Variants in PCDHGA3 observed in about 807,000 individuals in gnomAD.
PCDHGA3 encodes protocadherin gamma subfamily A, 3, also known as protocadherin gamma-A3.
A neutral mutation model predicts 58.5 loss-of-function variants in PCDHGA3; 40 were observed. The observed-to-expected ratio is 0.68, with a 90% CI of 0.53 to 0.89. The LOEUF is 0.89. Among genes scored for constraint, PCDHGA3 ranks in the 40% least tolerant of loss-of-function variants. The pLI is 0.00. For missense variants in PCDHGA3, 1,223 were observed against 1,195.9 expected (o/e 1.02, Z -0.33); for synonymous variants, 530 against 525.7 (o/e 1.01, Z -0.11).
chr5:141,460,553 C>A (rs2098991893), intron 1 of PCDHGA3, among the ~76,000 whole-genome samples: 1 of 152,032 alleles, frequency 6.6e-6, no homozygotes. Context: ...AATCAAAAAT[C>A]ATTTGGCCAT....
rs747671382 is a variant in PCDHGA3 at position 141,444,152 on chromosome 5, A to ATTTTTTTT, written c.2425-50626_2425-50619dup. ...GATATGTGTCACTTGTGTGTACTGG[A>ATTTTTTTT]TTTTTTTTTTTTTTTTTTTTTTTTT... On this transcript the variant is annotated intron_variant, in intron 1 of 3. Transcript: ENST00000253812. Among the ~76,000 whole-genome samples, 8 of 33,898 alleles carry ATTTTTTTT rather than the reference A, an allele frequency of 2.4e-4. 3 individuals are homozygous for ATTTTTTTT. Among genetic ancestry groups the ATTTTTTTT allele is most frequent in the African/African-American group, 5.6e-4 (4 of 7,184 alleles). The allele number at this position is 33,898 out of a possible 152,430, so 22.2% of individuals were successfully genotyped here.
intron 1 of PCDHGA3, chr5:141,442,020 A>G (rs1461958612): frequency 4.6e-6 from 1 of 219,170 alleles, no homozygotes; most frequent in South Asian, 5.2e-5. Context: ...GATGGGCCAC[A>G]GGAAAGCGAC....
chr5:141,363,227 A>G (rs920377728), intron 1 of PCDHGA3, among the ~76,000 whole-genome samples: 2 of 152,228 alleles, frequency 1.3e-5, no homozygotes, highest in Non-Finnish European at 2.9e-5. Context: ...CTTACAACCT[A>G]TGTTCACATC....
chr5:141,390,214 T>G, intron 1 of PCDHGA3: 1 of 1,614,064 alleles, frequency 6.2e-7, no homozygotes, highest in Non-Finnish European at 8.5e-7. Flanking sequence ...GGACAAGACA[T>G]ACTTTGCGGT....
At chr5:141,393,307 A>C (rs1394490963) in intron 1 of PCDHGA3, 3 of 1,613,594 alleles carry the variant, frequency 1.9e-6, no homozygotes, top group South Asian at 2.2e-5. Context: ...GTGGGCGTGA[A>C]CTCCCTCCAG....
At chr5:141,409,448 C>T in intron 1 of PCDHGA3, 1 of 1,613,546 alleles carries the variant, frequency 6.2e-7, no homozygotes, top group Non-Finnish European at 8.5e-7. Context: ...AGAGCAGACA[C>T]CAGAATACAA....
intron 1 of PCDHGA3, chr5:141,383,022 AG>A: frequency 6.2e-7 from 1 of 1,613,826 alleles, no homozygotes; most frequent in Non-Finnish European, 8.5e-7. Context: ...AGACGGACAA[AG>A]GGTCCTTTGT....
chr5:141,419,705 C>A, intron 1 of PCDHGA3: 1 of 1,613,038 alleles, frequency 6.2e-7, no homozygotes, highest in South Asian at 1.1e-5. Flanking sequence ...TGAGCCCGGG[C>A]TCTTCAGCCT....
At chr5:141,472,003 A>T (rs1450802255) in intron 1 of PCDHGA3, among the ~76,000 whole-genome samples, 1 of 152,176 alleles carries the variant, frequency 6.6e-6, no homozygotes, top group Non-Finnish European at 1.5e-5. Context: ...CCTGCATCGT[A>T]TAGGGGCACT....
chr5:141,365,018 G>T, intron 1 of PCDHGA3: 1 of 1,613,880 alleles, frequency 6.2e-7, no homozygotes, highest in Non-Finnish European at 8.5e-7. Context: ...GCACATCCGT[G>T]TTACGGTCCT....
rs372043756 is a variant in PCDHGA3 at position 141,476,212 on chromosome 5, C to G, written c.2425-18595C>G. ...GTGCCTTGAACAAGGCTTCCACGGT[C>G]ATTCACTATGAGATCCCGGAGGAAA... On this transcript the variant is annotated intron_variant, in intron 1 of 3. Coordinates refer to ENST00000253812, the MANE Select transcript of PCDHGA3 (RefSeq NM_018916.4). The surrounding 1 kb of genome is among the most constrained non-coding windows in gnomAD (Gnocchi z 7.6). 6 of 1,613,932 alleles carry G rather than the reference C, an allele frequency of 3.7e-6. No individual in the cohort carries two copies. The highest frequency in any genetic ancestry group is 5.1e-6 in the Non-Finnish European group (6 of 1,180,012).
In PCDHGA3 at chr5:141,404,772, G is replaced by A. The variant is rs764262966; in HGVS notation, c.2424+58315G>A. On this transcript the variant is annotated intron_variant, in intron 1 of 3. Transcript: ENST00000253812. ...GGCCAGAATGCTTGGCTCTCCTACC[G>A]CCTATTCAAGGCCAGTGAGCCAGGG... The A allele has an allele frequency of 9.9e-6, 16 of 1,613,820 alleles. No individual in the cohort carries two copies. The highest frequency in any genetic ancestry group is 5.0e-5 in the Admixed American group (3 of 60,000).
chr5:141,352,225 G>C (rs1169707828), intron 1 of PCDHGA3: 1 of 1,614,064 alleles, frequency 6.2e-7, no homozygotes, highest in South Asian at 1.1e-5. Context: ...CCACCGCCAC[G>C]CTGCACCTAA....
rs958652662 is a variant in PCDHGA3, at chr5:141,494,839, T to C, written c.2457T>C (p.Ser819=). 6.2e-7 allele frequency: 1 copy of C among 1,614,106 alleles called. No individual in the cohort carries two copies. Among genetic ancestry groups the C allele is most frequent in the Non-Finnish European group, 8.5e-7 (1 of 1,180,016 alleles). ...QAPPNTDWRF[S]QAQRPGTSGS... ...CGCCCAACACGGACTGGCGTTTCTC[T>C]CAGGCCCAGAGACCCGGCACCAGCG... The change falls in exon 2 of 4, where the codon TCT becomes TCC. Residue 819 remains serine (S), a synonymous_variant. Coordinates refer to ENST00000253812, the MANE Select transcript of PCDHGA3 (RefSeq NM_018916.4).
intron 1 of PCDHGA3, chr5:141,403,199 A>AC (rs1480420470): frequency 6.2e-7 from 1 of 1,613,812 alleles, no homozygotes; most frequent in African/African-American, 1.3e-5. Flanking sequence ...GCGCAGCGGC[A>AC]CCTTGGTCAC....
intron 1 of PCDHGA3, chr5:141,394,336 A>G (rs1205005872): frequency 1.9e-6 from 3 of 1,613,704 alleles, no homozygotes; most frequent in Non-Finnish European, 1.7e-6. Context: ...ATCTCCATCA[A>G]CTCTGACACC....
chr5:141,374,610 G>C (rs773630975), intron 1 of PCDHGA3: 2 of 1,613,524 alleles, frequency 1.2e-6, no homozygotes, highest in Non-Finnish European at 1.7e-6. Context: ...AGTGGTAATA[G>C]TCACTTCTCA....
In PCDHGA3 at chr5:141,421,624, A is replaced by G; in HGVS notation, c.2425-73183A>G. On this transcript the variant is annotated intron_variant, in intron 1 of 3. Transcript: ENST00000253812. ...AATAGATATTAATGATAACGCCCCC[A>G]GCTTCCAGGAGGACGAAGTGGAGAT... 2.5e-6 allele frequency: 4 copies of G among 1,613,872 alleles called. No homozygotes were observed. The South Asian group carries it at 3.3e-5, about 13-fold the overall frequency.
intron 1 of PCDHGA3, chr5:141,393,880 T>A (rs1561645063): frequency 6.2e-7 from 1 of 1,614,004 alleles, no homozygotes; most frequent in Non-Finnish European, 8.5e-7. Context: ...TTTAGCCCAG[T>A]GTTAGAAAAT....
Sources: allele counts gnomAD v4.1 joint callset (sites outside exome capture counted in the v4.1 genomes callset), GRCh38; gene constraint gnomAD v4.1.1; non-coding constraint Gnocchi (gnomAD v3.1); transcripts MANE v1.5; gene names NCBI Gene and HGNC (gene_info 2026-07-23, HGNC 2026-07-21).